The following MYO1E variants were observed in gnomAD, a reference collection of about 807,000 sequenced individuals.
The protein encoded by MYO1E is unconventional myosin-Ie.
MYO1E carries 68 observed loss-of-function variants against 151.1 expected under a neutral mutation model. The ratio of observed to expected loss-of-function variants is 0.45; its 90% confidence interval spans 0.37 to 0.55. The LOEUF (loss-of-function observed/expected upper bound fraction) is 0.55. Among genes scored for constraint, MYO1E ranks in the 20% least tolerant of loss-of-function variants. The probability of loss-of-function intolerance (pLI) is 0.00; values close to 1 mark genes in which losing one functional copy is unlikely to be tolerated. For synonymous variants in MYO1E, 601 were observed against 501.7 expected (o/e 1.20, Z -2.64); for missense variants, 1,363 against 1,389.3 (o/e 0.98, Z 0.30).
chr15:59,174,088 GATTT>G, intron 20 of MYO1E, 34 bp downstream of exon 20: 1 of 1,570,634 alleles, frequency 6.4e-7, no homozygotes, highest in Non-Finnish European at 8.8e-7. Context: ...TTACTCTTCA[GATTT>G]ATTAAAATCA....
chr15:59,164,040 G>C (rs2079551656), intron 22 of MYO1E, among the ~76,000 whole-genome samples: 1 of 152,234 alleles, frequency 6.6e-6, no homozygotes, highest in Admixed American at 6.5e-5. Flanking sequence ...GCCTGGAGGG[G>C]AGCAGGTGTT....
At chr15:59,363,009 T>A (rs1381272943) in intron 1 of MYO1E, among the ~76,000 whole-genome samples, 1 of 144,412 alleles carries the variant, frequency 6.9e-6, no homozygotes, top group East Asian at 2.0e-4. Context: ...GGAGTCTCGC[T>A]GTGTCACCCA....
chr15:59,267,725 G>A (rs1182391083), intron 2 of MYO1E, among the ~76,000 whole-genome samples: 2 of 152,206 alleles, frequency 1.3e-5, no homozygotes, highest in Non-Finnish European at 2.9e-5. Context: ...AACTCTTTTC[G>A]TCGGCCAAGT....
In MYO1E at chr15:59,141,994, C is replaced by T. The variant is rs570822028; in HGVS notation, c.3081-3627G>A. Among the ~76,000 whole-genome samples, 6 of 151,528 alleles carry T rather than the reference C, an allele frequency of 4.0e-5. No homozygotes were observed. The South Asian group carries it at 1.3e-3, about 32-fold the overall frequency. On this transcript the variant is annotated intron_variant, in intron 26 of 27. Transcript: ENST00000288235. ...TGGTGGCGGGCGCTTGTAGTCCCAGCTATTCGGGAGGCTGAGGCAGGAGAA... is the reference window on the plus strand; with the variant it reads ...TGGTGGCGGGCGCTTGTAGTCCCAGTTATTCGGGAGGCTGAGGCAGGAGAA...
chr15:59,291,129 A>T (rs1384053709), intron 1 of MYO1E, among the ~76,000 whole-genome samples: 9 of 152,246 alleles, frequency 5.9e-5, no homozygotes, highest in Non-Finnish European at 1.2e-4. Context: ...AAACATTTGC[A>T]TGGTTTCTGG....
chr15:59,293,544 T>TA (rs756437928), intron 1 of MYO1E, among the ~76,000 whole-genome samples: 2,538 of 139,590 alleles, frequency 0.018, 30 homozygotes, highest in Middle Eastern at 0.047. Context: ...AGACTCCCTC[T>TA]AAAAAAAAAA....
At chr15:59,285,029 C>A (rs1213460031) in intron 1 of MYO1E, among the ~76,000 whole-genome samples, 2 of 152,144 alleles carry the variant, frequency 1.3e-5, no homozygotes, top group Non-Finnish European at 2.9e-5. Flanking sequence ...CTTAACAGTC[C>A]CTTAAGAGAG....
chr15:59,313,492 A>T (rs984161527), intron 1 of MYO1E, among the ~76,000 whole-genome samples: 1 of 140,344 alleles, frequency 7.1e-6, no homozygotes, highest in African/African-American at 2.6e-5. Flanking sequence ...AGATGCAACT[A>T]CCCCACCCCC....
At chr15:59,148,908 A>T (rs1412817539) in intron 26 of MYO1E, among the ~76,000 whole-genome samples, 1 of 152,170 alleles carries the variant, frequency 6.6e-6, no homozygotes, top group Non-Finnish European at 1.5e-5. Context: ...AGGTCAACAG[A>T]CATTTCCAGT....
At position 59,178,523 on chromosome 15, in the gene MYO1E, G is replaced by A. The variant is rs2079639274; in HGVS notation, c.1919C>T (p.Thr640Ile). ...QKFLQRYAIL[T>I]KATWPSWQGE... is the part of the protein sequence containing the mutation. ...CTGCCAAGAAGGCCAGGTGGCTTTGGTCAGAATGGCATACCTGTGGGGACA... is the reference window on the plus strand; with the variant it reads ...CTGCCAAGAAGGCCAGGTGGCTTTGATCAGAATGGCATACCTGTGGGGACA... The change falls in exon 19 of 28, where the codon ACC (threonine) becomes ATC (isoleucine). Residue 640 changes from threonine (T) to isoleucine (I), a missense_variant. Thr to Ile is a moderately conservative substitution (Grantham distance 89). Coordinates refer to ENST00000288235, the MANE Select transcript of MYO1E (RefSeq NM_004998.4). 6.2e-7 allele frequency: 1 copy of A among 1,614,094 alleles called. No individual in the cohort carries two copies. Among genetic ancestry groups the A allele is most frequent in the African/African-American group, 1.3e-5 (1 of 74,940 alleles).
chr15:59,289,408 T>C (rs1163264856), intron 1 of MYO1E, among the ~76,000 whole-genome samples: 1 of 152,192 alleles, frequency 6.6e-6, no homozygotes, highest in African/African-American at 2.4e-5. Context: ...AAATATTATA[T>C]ATGGGAGCAG....
In MYO1E at chr15:59,372,707, G is replaced by A; in HGVS notation, c.-207C>T. 1.6e-6 allele frequency: 1 copy of A among 608,808 alleles called. No homozygotes were observed. The highest frequency in any genetic ancestry group is 2.8e-6 in the Non-Finnish European group (1 of 361,282). The allele number at this position is 608,808 out of a possible 1,614,324, so 37.7% of individuals were successfully genotyped here. On this transcript the variant is annotated 5_prime_UTR_variant, in exon 1 of 28. Transcript: ENST00000288235. ...GGTGCTAGGTGAGGGCGAGACGGCG[G>A]CGACTTAGCAGGCGGGGCGCATGCT...
At position 59,218,012 on chromosome 15, in the gene MYO1E, T is replaced by G; in HGVS notation, c.986A>C (p.Asp329Ala). The G allele has an allele frequency of 6.2e-7, 1 of 1,614,234 alleles. No homozygotes were observed. The highest frequency in any genetic ancestry group is 8.5e-7 in the Non-Finnish European group (1 of 1,180,032). The change falls in exon 10 of 28, where the codon GAT (aspartate) becomes GCT (alanine). Residue 329 changes from aspartate to alanine, a missense_variant. Asp to Ala is a moderately radical substitution (Grantham distance 126, BLOSUM62 -2). Transcript: ENST00000288235. ...LKEKLTSRQM[D>A]SKWGGKSESI... ...TTCGGATTTGCCTCCCCACTTGCTA[T>G]CCATCTGCCGGCTTGTTAGCTTTTC...
chr15:59,247,415 AG>A (rs1176899744), intron 4 of MYO1E, among the ~76,000 whole-genome samples: 4 of 152,254 alleles, frequency 2.6e-5, no homozygotes, highest in Non-Finnish European at 5.9e-5. Context: ...GTTTGAAGTC[AG>A]ACAGGGCTAA....
intron 4 of MYO1E, among the ~76,000 whole-genome samples, chr15:59,238,370 C>G (rs2080079396): frequency 6.6e-6 from 1 of 152,172 alleles, no homozygotes; most frequent in Admixed American, 6.5e-5. Flanking sequence ...AATGGCACAA[C>G]CACCCAATAT....
At position 59,301,713 on chromosome 15, in the gene MYO1E, GCTGGAGC is replaced by G. The variant is rs565820431; in HGVS notation, c.4-29271_4-29265del. On this transcript the variant is annotated intron_variant, in intron 1 of 27. Coordinates refer to ENST00000288235, the MANE Select transcript of MYO1E (RefSeq NM_004998.4). ...GAGAAGAGGCTTAGCACTGGAGCCT[GCTGGAGC>G]CTGAAGAGCGGACTCCAAATTCCTC... is the stretch of plus-strand genomic sequence containing the variant. Among the ~76,000 whole-genome samples, 120 of 152,326 alleles carry G rather than the reference GCTGGAGC, an allele frequency of 7.9e-4. 1 individual carries two copies. The highest frequency in any genetic ancestry group is 2.9e-3 in the African/African-American group (119 of 41,574).
intron 1 of MYO1E, among the ~76,000 whole-genome samples, chr15:59,300,856 CCTTT>C (rs1159906342): frequency 2.7e-5 from 4 of 148,574 alleles, no homozygotes; most frequent in Non-Finnish European, 4.4e-5. Flanking sequence ...TTCTTTTTTT[CCTTT>C]TTTTTCTTTT....
chr15:59,277,078 TA>T (rs1424055506), intron 1 of MYO1E, among the ~76,000 whole-genome samples: 1 of 152,170 alleles, frequency 6.6e-6, no homozygotes, highest in Non-Finnish European at 1.5e-5. Flanking sequence ...GTGTGTTGTG[TA>T]AATACAACAA....
chr15:59,234,110 C>G (rs1306703622), intron 5 of MYO1E, among the ~76,000 whole-genome samples: 1 of 152,102 alleles, frequency 6.6e-6, no homozygotes, highest in African/African-American at 2.4e-5. Context: ...GAGAAAGAGG[C>G]CACTTTAAGG....
Sources: allele counts gnomAD v4.1 joint callset (sites outside exome capture counted in the v4.1 genomes callset), GRCh38; gene constraint gnomAD v4.1.1; transcripts MANE v1.5; gene names NCBI Gene and HGNC (gene_info 2026-07-23, HGNC 2026-07-21).